CALCRL: variants seen among roughly 807,000 people sequenced by gnomAD.
CALCRL encodes the protein calcitonin gene-related peptide type 1 receptor.
A neutral mutation model predicts 60.4 loss-of-function variants in CALCRL; 27 were observed. The ratio of observed to expected loss-of-function variants is 0.45; its 90% CI spans 0.33 to 0.62. The LOEUF (loss-of-function observed/expected upper bound fraction) is 0.62. Among genes scored for constraint, CALCRL ranks in the 20% least tolerant of loss-of-function variants. The probability of loss-of-function intolerance (pLI) is 0.03; values close to 1 mark genes in which losing one functional copy is unlikely to be tolerated. For missense variants in CALCRL, 424 were observed against 540.7 expected, an observed-to-expected ratio of 0.78 and a Z score of 2.14; for synonymous variants, 190 against 182.6, an observed-to-expected ratio of 1.04 and a Z score of -0.33.
intron 1 of CALCRL, among the ~76,000 whole-genome samples, chr2:187,407,457 A>C (rs964313310): frequency 6.6e-6 from 1 of 152,126 alleles, no homozygotes; most frequent in African/African-American, 2.4e-5. Flanking sequence ...CAAGCAAAAA[A>C]ATAGTAGGCA....
rs1687457613 is a variant in CALCRL, at chr2:187,370,106, TA to T, written c.501-6605del. Reference sequence around the variant, plus strand: ...AAAATTGTTTACTTTATTCTGTTTTTAAATTATTCCCATCTCTTTCATGTAA... The same window carrying T: ...AAAATTGTTTACTTTATTCTGTTTTTAATTATTCCCATCTCTTTCATGTAA... On this transcript the variant is annotated intron_variant, in intron 8 of 14. Coordinates refer to ENST00000392370, the MANE Select transcript of CALCRL (RefSeq NM_005795.6). Among the ~76,000 whole-genome samples, 5 of 152,342 alleles carry T rather than the reference TA, an allele frequency of 3.3e-5. No homozygotes were observed. The South Asian group carries it at 8.3e-4, about 25-fold the overall frequency.
At chr2:187,437,664 TTA>T (rs1219269397) in intron 1 of CALCRL, among the ~76,000 whole-genome samples, 1 of 152,156 alleles carries the variant, frequency 6.6e-6, no homozygotes, top group Non-Finnish European at 1.5e-5. Context: ...AAAATATAGT[TTA>T]TGTTTTGTAA....
At chr2:187,396,322 GA>G (rs1688651579) in intron 1 of CALCRL, among the ~76,000 whole-genome samples, 2 of 151,790 alleles carry the variant, frequency 1.3e-5, no homozygotes, top group African/African-American at 2.4e-5. Flanking sequence ...GTCCAAATTA[GA>G]AAAGCAAGCA....
chr2:187,409,188 C>T (rs1411186551), intron 1 of CALCRL, among the ~76,000 whole-genome samples: 3 of 152,104 alleles, frequency 2.0e-5, no homozygotes, highest in Admixed American at 2.0e-4. Flanking sequence ...GTGTTTACAA[C>T]ATCAAGTCAT....
intron 5 of CALCRL, among the ~76,000 whole-genome samples, chr2:187,382,712 A>G (rs971357821): frequency 2.6e-5 from 4 of 152,142 alleles, no homozygotes; most frequent in African/African-American, 9.7e-5. Flanking sequence ...CTTAATGCAA[A>G]CAGAAGCACT....
intron 12 of CALCRL, among the ~76,000 whole-genome samples, chr2:187,356,830 A>G (rs1686813317): frequency 6.6e-6 from 1 of 152,216 alleles, no homozygotes; most frequent in Non-Finnish European, 1.5e-5. Context: ...ACGCCATCAA[A>G]AAGTGGGCAA....
At chr2:187,353,603 G>T (rs1574210137) in intron 12 of CALCRL, among the ~76,000 whole-genome samples, 1 of 151,774 alleles carries the variant, frequency 6.6e-6, no homozygotes, top group South Asian at 2.1e-4. Flanking sequence ...TCTATGAAAA[G>T]CAATGTTTGC....
chr2:187,402,185 TAC>T (rs1688917411), intron 1 of CALCRL, among the ~76,000 whole-genome samples: 1 of 151,760 alleles, frequency 6.6e-6, no homozygotes, highest in Admixed American at 6.6e-5. Context: ...ACTATATTAA[TAC>T]ATTCATTCAT....
chr2:187,408,566 C>A (rs1257710589), intron 1 of CALCRL, among the ~76,000 whole-genome samples: 2 of 151,982 alleles, frequency 1.3e-5, no homozygotes, highest in Non-Finnish European at 2.9e-5. Flanking sequence ...TGTATTTACT[C>A]TAACCTTGTG....
chr2:187,384,684 T>A (rs961013016), intron 4 of CALCRL, among the ~76,000 whole-genome samples: 3 of 152,120 alleles, frequency 2.0e-5, no homozygotes, highest in Non-Finnish European at 4.4e-5. Context: ...TTGTTTTTTG[T>A]TTTTTTCTGG....
intron 1 of CALCRL, among the ~76,000 whole-genome samples, chr2:187,401,989 A>T (rs954560099): frequency 5.9e-5 from 9 of 151,426 alleles, no homozygotes; most frequent in African/African-American, 2.2e-4. Context: ...GAAAGGAAGA[A>T]GGGAAAGAAG....
intron 1 of CALCRL, among the ~76,000 whole-genome samples, chr2:187,411,850 G>A (rs1236793796): frequency 6.6e-6 from 1 of 151,770 alleles, no homozygotes; most frequent in Non-Finnish European, 1.5e-5. Flanking sequence ...CAAAAAATTA[G>A]CCAGGCGTGG....
chr2:187,410,083 A>G (rs1689294332), intron 1 of CALCRL, among the ~76,000 whole-genome samples: 1 of 152,216 alleles, frequency 6.6e-6, no homozygotes, highest in Non-Finnish European at 1.5e-5. Context: ...AGCAACAAAA[A>G]TCAGAGAGAA....
intron 9 of CALCRL, 23 bp from the exon 10 acceptor site, chr2:187,360,774 A>G: frequency 1.9e-6 from 3 of 1,583,612 alleles, no homozygotes; most frequent in Non-Finnish European, 2.6e-6. Flanking sequence ...AAAAAACCCC[A>G]ATATTTACTT....
chr2:187,441,488 A>G lies in CALCRL; in HGVS notation c.-293+6551T>C, dbSNP rs80096563. Among the ~76,000 whole-genome samples the G allele has an allele frequency of 6.6e-5, 10 of 152,050 alleles. No individual in the cohort carries two copies. The East Asian group carries it at 1.7e-3, about 27-fold the overall frequency. On this transcript the variant is annotated intron_variant, in intron 1 of 14. Coordinates refer to ENST00000392370, the MANE Select transcript of CALCRL (RefSeq NM_005795.6). ...CATGGAAGTGGTGGTGTTGTTGTCC[A>G]GAGCAGGAGACCTGTCTTGTTGGCC...
intron 12 of CALCRL, among the ~76,000 whole-genome samples, chr2:187,358,286 T>G (rs1054171802): frequency 6.6e-6 from 1 of 151,944 alleles, no homozygotes; most frequent in African/African-American, 2.4e-5. Context: ...AACCCAGGAG[T>G]TGGGGGCTGC....
At chr2:187,346,507 A>G (rs1238867696) in intron 14 of CALCRL, 108 bp from the exon 15 acceptor site, 10 of 713,658 alleles carry the variant, frequency 1.4e-5, no homozygotes, top group Non-Finnish European at 2.3e-5. Flanking sequence ...GCTTTTTTAA[A>G]AAAAGTTATG....
intron 1 of CALCRL, among the ~76,000 whole-genome samples, chr2:187,416,818 G>A (rs2105862296): frequency 6.6e-6 from 1 of 151,994 alleles, no homozygotes; most frequent in Admixed American, 6.6e-5. Flanking sequence ...AGTTGCAAAG[G>A]GCTGTTTCTT....
intron 1 of CALCRL, among the ~76,000 whole-genome samples, chr2:187,408,093 T>C (rs1689210071): frequency 6.6e-6 from 1 of 152,084 alleles, no homozygotes; most frequent in African/African-American, 2.4e-5. Context: ...TCTTTAATTC[T>C]ATCATTCTGA....
Sources: gnomAD v4.1 joint callset for allele counts (sites outside exome capture counted in the v4.1 genomes callset) on GRCh38, gnomAD v4.1.1 for gene constraint, MANE v1.5 for transcripts, NCBI Gene and HGNC (gene_info 2026-07-23, HGNC 2026-07-21) for gene names.